The following DLGAP2 variants were observed in gnomAD, a reference collection of about 807,000 sequenced individuals.
DLGAP2 encodes disks large-associated protein 2.
In DLGAP2, 26 loss-of-function variants were observed where a neutral mutation model predicts 100.3. That is an observed-to-expected ratio of 0.26 (90% confidence interval 0.19 to 0.36). The LOEUF is 0.36. Among genes scored for constraint, DLGAP2 ranks in the 10% least tolerant of loss-of-function variants. The pLI is 1.00. For synonymous variants in DLGAP2, 886 were observed against 630.1 expected, an observed-to-expected ratio of 1.41 and a Z score of -6.08; for missense variants, 1,858 against 1,453.2, an observed-to-expected ratio of 1.28 and a Z score of -4.53.
chr8:771,044 C>T (rs999129160), intron 1 of DLGAP2, among the ~76,000 whole-genome samples: 7 of 152,052 alleles, frequency 4.6e-5, no homozygotes, highest in Non-Finnish European at 7.4e-5. Context: ...CAGACAGGTG[C>T]CTTCCAGCTC....
At chr8:1,325,557 G>C (rs181212781) in intron 3 of DLGAP2, among the ~76,000 whole-genome samples, 1 of 152,184 alleles carries the variant, frequency 6.6e-6, no homozygotes, top group African/African-American at 2.4e-5. Flanking sequence ...ATTAAATCTA[G>C]TTAACGTTTG....
chr8:1,356,731 G>T (rs1801861301), intron 3 of DLGAP2, among the ~76,000 whole-genome samples: 1 of 152,240 alleles, frequency 6.6e-6, no homozygotes. Context: ...AGGGTAACAG[G>T]CAAGGCCAAG....
chr8:1,094,533 C>T (rs1255911700), intron 2 of DLGAP2, among the ~76,000 whole-genome samples: 1 of 152,246 alleles, frequency 6.6e-6, no homozygotes, highest in Admixed American at 6.5e-5. Context: ...TTAAATTTCT[C>T]AGTCCTTTGA....
intron 1 of DLGAP2, among the ~76,000 whole-genome samples, chr8:871,279 G>A (rs889339559): frequency 3.9e-5 from 6 of 152,190 alleles, no homozygotes; most frequent in African/African-American, 1.4e-4. Context: ...TTAATTGGCT[G>A]CACTATCTTC....
chr8:1,463,278 G>A (rs1215929596), intron 3 of DLGAP2, among the ~76,000 whole-genome samples: 1 of 152,218 alleles, frequency 6.6e-6, no homozygotes, highest in Non-Finnish European at 1.5e-5. Context: ...ATCAGGGAAG[G>A]TGCTGATGAG....
At chr8:1,274,260 C>G (rs145891787) in intron 3 of DLGAP2, among the ~76,000 whole-genome samples, 1 of 151,788 alleles carries the variant, frequency 6.6e-6, no homozygotes, top group Admixed American at 6.6e-5. Context: ...TCTTCCCCAC[C>G]CACCATAAGT....
chr8:1,027,511 G>C (rs1475692137), intron 2 of DLGAP2, among the ~76,000 whole-genome samples: 1 of 148,192 alleles, frequency 6.7e-6, no homozygotes, highest in Non-Finnish European at 1.5e-5. Context: ...CCAGGTGCCG[G>C]TTACTCCCCA....
chr8:1,515,349 AAGAC>A (rs1400500659), intron 4 of DLGAP2, among the ~76,000 whole-genome samples: 2 of 152,202 alleles, frequency 1.3e-5, no homozygotes, highest in African/African-American at 2.4e-5. Flanking sequence ...CCCTTCCCTT[AAGAC>A]AGACAGGGCA....
intron 3 of DLGAP2, among the ~76,000 whole-genome samples, chr8:1,362,865 G>A (rs1391400030): frequency 1.3e-5 from 2 of 152,188 alleles, no homozygotes; most frequent in Non-Finnish European, 2.9e-5. Flanking sequence ...AAAGTCAGTG[G>A]CTAGTTTCTC....
intron 3 of DLGAP2, among the ~76,000 whole-genome samples, chr8:1,341,733 C>T (rs778854078): frequency 2.7e-4 from 41 of 152,140 alleles, no homozygotes; most frequent in Non-Finnish European, 5.0e-4. Context: ...CCCTTTTGGG[C>T]ACGTTAGCAG....
intron 2 of DLGAP2, among the ~76,000 whole-genome samples, chr8:1,185,767 C>T (rs191439683): frequency 5.9e-5 from 9 of 151,750 alleles, no homozygotes; most frequent in South Asian, 2.1e-4. Context: ...TCAGGAGATC[C>T]AGTCAGCAGT....
At chr8:1,435,377 C>T (rs756093341) in intron 3 of DLGAP2, among the ~76,000 whole-genome samples, 4 of 152,188 alleles carry the variant, frequency 2.6e-5, no homozygotes, top group Non-Finnish European at 5.9e-5. Context: ...CAGTCAAAGA[C>T]AAACTGCAGG....
intron 3 of DLGAP2, among the ~76,000 whole-genome samples, chr8:1,468,617 CTGGG>C (rs959983217): frequency 6.6e-6 from 1 of 152,208 alleles, no homozygotes; most frequent in Non-Finnish European, 1.5e-5. Context: ...TGAAGGAAAC[CTGGG>C]AAGCCTGTGC....
At chr8:1,064,089 A>G (rs1355973007) in intron 2 of DLGAP2, among the ~76,000 whole-genome samples, 2 of 152,156 alleles carry the variant, frequency 1.3e-5, no homozygotes, top group Non-Finnish European at 2.9e-5. Context: ...ACTGGGAACA[A>G]CTGCAGCTAT....
intron 3 of DLGAP2, among the ~76,000 whole-genome samples, chr8:1,275,665 C>A (rs1188451757): frequency 6.8e-6 from 1 of 145,988 alleles, no homozygotes; most frequent in Non-Finnish European, 1.5e-5. Flanking sequence ...GCTTCTGGAA[C>A]TTTGTCCCTG....
intron 1 of DLGAP2, among the ~76,000 whole-genome samples, chr8:757,554 G>T (rs949490930): frequency 2.6e-5 from 4 of 152,120 alleles, no homozygotes; most frequent in African/African-American, 9.7e-5. Flanking sequence ...TTTCCATTTG[G>T]ACCCGGCCAT....
At chr8:1,539,456 G>A (rs1801277133) in intron 4 of DLGAP2, among the ~76,000 whole-genome samples, 1 of 152,122 alleles carries the variant, frequency 6.6e-6, no homozygotes, top group Non-Finnish European at 1.5e-5. Flanking sequence ...TGCACTGGGA[G>A]ATAACAAGCC....
chr8:1,085,546 A>T (rs560996974), intron 2 of DLGAP2, among the ~76,000 whole-genome samples: 14 of 152,268 alleles, frequency 9.2e-5, no homozygotes, highest in African/African-American at 3.4e-4. Flanking sequence ...TCCCGTGTGT[A>T]TTCTCAGCGC....
chr8:1,294,233 G>T (rs1353983157), intron 3 of DLGAP2, among the ~76,000 whole-genome samples: 1 of 152,186 alleles, frequency 6.6e-6, no homozygotes, highest in Non-Finnish European at 1.5e-5. Context: ...TCAGGTTACA[G>T]GCCTTTCACA....
Sources: gnomAD v4.1 joint callset for allele counts (sites outside exome capture counted in the v4.1 genomes callset) on GRCh38, gnomAD v4.1.1 for gene constraint, MANE v1.5 for transcripts, NCBI Gene and HGNC (gene_info 2026-07-23, HGNC 2026-07-21) for gene names.